Variants in LY96 observed in about 807,000 individuals in gnomAD.
LY96 encodes lymphocyte antigen 96, also known as myeloid differentiation protein-2.
Under a neutral mutation model 18.9 loss-of-function variants are expected in LY96, and 18 were observed. That is an observed-to-expected ratio of 0.95 (90% CI 0.66 to 1.41). The LOEUF is 1.41. Among genes scored for constraint, LY96 ranks in the 40% most tolerant of loss-of-function variants. The pLI is 0.00. For synonymous variants in LY96, 66 were observed against 62.6 expected (o/e 1.06, Z -0.26); for missense variants, 175 against 182.4 (o/e 0.96, Z 0.23).
the LY96 span, among the ~76,000 whole-genome samples, chr8:74,087,611 T>A: frequency 6.6e-6 from 1 of 152,192 alleles, no homozygotes; most frequent in African/African-American, 2.4e-5. Context: ...GTAAAGGGCC[T>A]CAAACATGTC....
the LY96 span, among the ~76,000 whole-genome samples, chr8:74,059,864 G>T: frequency 2.6e-5 from 4 of 152,256 alleles, no homozygotes; most frequent in East Asian, 7.7e-4. Flanking sequence ...TTGCTTGGGC[G>T]CAGTGGCTCA....
the LY96 span, chr8:74,056,261 C>A: frequency 8.1e-6 from 2 of 247,004 alleles, no homozygotes; most frequent in Non-Finnish European, 1.6e-5. Context: ...TTCAGGCTAC[C>A]TGTGGTTATT....
intron 3 of LY96, among the ~76,000 whole-genome samples, chr8:74,017,292 A>G (rs1405053034): frequency 6.6e-6 from 1 of 152,208 alleles, no homozygotes; most frequent in Non-Finnish European, 1.5e-5. Flanking sequence ...CAAGTGGAAG[A>G]AAGGGTATCA....
the LY96 span, among the ~76,000 whole-genome samples, chr8:74,064,636 C>T: frequency 1.3e-5 from 2 of 152,178 alleles, no homozygotes; most frequent in Non-Finnish European, 2.9e-5. Context: ...CTGAAGCCTT[C>T]ACCAGAAGCA....
the LY96 span, among the ~76,000 whole-genome samples, chr8:74,081,529 G>C: frequency 6.6e-6 from 1 of 151,522 alleles, no homozygotes; most frequent in Non-Finnish European, 1.5e-5. Flanking sequence ...AAAATGATGA[G>C]ACTACAGGTG....
chr8:74,075,594 C>T, the LY96 span, among the ~76,000 whole-genome samples: 1 of 152,046 alleles, frequency 6.6e-6, no homozygotes, highest in African/African-American at 2.4e-5. Context: ...TTTGGTGACA[C>T]CAGCAACTTA....
rs576331265 is a variant in LY96, at chr8:73,995,380, T to A, written c.112+3826T>A. 7.9e-5 allele frequency among the ~76,000 whole-genome samples: 12 copies of A among 152,354 alleles called. No individual in the cohort carries two copies. The East Asian group carries it at 1.2e-3, about 15-fold the overall frequency. On this transcript the variant is annotated intron_variant, in intron 1 of 4. Coordinates refer to ENST00000284818, the MANE Select transcript of LY96 (RefSeq NM_015364.5). Reference sequence around the variant, plus strand: ...ATGGCCTTTCCTCTGTGTGTGCACATCCCTGGCGTTTCTTTGTGTGTCCAA... The same window carrying A: ...ATGGCCTTTCCTCTGTGTGTGCACAACCCTGGCGTTTCTTTGTGTGTCCAA...
At chr8:74,000,006 C>A (rs60515500) in intron 1 of LY96, among the ~76,000 whole-genome samples, 73,829 of 151,916 alleles carry the variant, frequency 0.49, 18,105 homozygotes, top group African/African-American at 0.55. Flanking sequence ...CTGCCTTGTT[C>A]CTGATCTTAA....
chr8:74,052,739 A>G, the LY96 span: 1 of 152,360 alleles, frequency 6.6e-6, no homozygotes, highest in African/African-American at 2.4e-5. Context: ...GATGATGCTT[A>G]ATTCCAGCAC....
chr8:74,067,048 G>A, the LY96 span, among the ~76,000 whole-genome samples: 1 of 152,166 alleles, frequency 6.6e-6, no homozygotes, highest in Non-Finnish European at 1.5e-5. Flanking sequence ...CCGGCTAGCC[G>A]TCCTTGTGAC....
chr8:74,004,982 A>C (rs933915076), intron 2 of LY96, 97 bp downstream of exon 2: 4 of 1,295,628 alleles, frequency 3.1e-6, no homozygotes, highest in Non-Finnish European at 4.4e-6. Flanking sequence ...TTCGTTATCT[A>C]TTGCTACGTA....
At chr8:74,093,122 C>G in the LY96 span, among the ~76,000 whole-genome samples, 1 of 152,180 alleles carries the variant, frequency 6.6e-6, no homozygotes, top group Non-Finnish European at 1.5e-5. Flanking sequence ...GGTCTCAGGG[C>G]TTTGCTGTGT....
the LY96 span, among the ~76,000 whole-genome samples, chr8:74,077,420 A>G: frequency 2.3e-4 from 35 of 152,232 alleles, no homozygotes; most frequent in African/African-American, 8.2e-4. Flanking sequence ...AGGTGTGATG[A>G]TGGAATCATG....
chr8:74,008,298 C>T (rs1816457820), intron 2 of LY96, among the ~76,000 whole-genome samples: 1 of 152,168 alleles, frequency 6.6e-6, no homozygotes, highest in Admixed American at 6.5e-5. Flanking sequence ...AGGTCCTTTG[C>T]CCTGCATTGT....
chr8:74,026,952 T>TA (rs750294645), intron 4 of LY96, 111 bp downstream of exon 4: 6 of 614,146 alleles, frequency 9.8e-6, no homozygotes, highest in Non-Finnish European at 1.5e-5. Flanking sequence ...TTTTTTTTTT[T>TA]AAATGGGATC....
the LY96 span, among the ~76,000 whole-genome samples, chr8:74,087,746 T>C: frequency 2.0e-5 from 3 of 152,174 alleles, no homozygotes; most frequent in Admixed American, 6.5e-5. Context: ...GGCAAGAACT[T>C]CCTTTGTTCT....
the LY96 span, among the ~76,000 whole-genome samples, chr8:74,093,498 A>C: frequency 2.0e-5 from 3 of 152,246 alleles, no homozygotes; most frequent in African/African-American, 7.2e-5. Context: ...GGTAAATATG[A>C]ATCCTAAAAG....
At chr8:74,025,418 G>C (rs1816848729) in intron 3 of LY96, among the ~76,000 whole-genome samples, 1 of 152,076 alleles carries the variant, frequency 6.6e-6, no homozygotes. Flanking sequence ...ACTTTGGAAG[G>C]CCGAGGCAGG....
At chr8:74,074,802 C>A in the LY96 span, among the ~76,000 whole-genome samples, 3 of 152,084 alleles carry the variant, frequency 2.0e-5, no homozygotes, top group Non-Finnish European at 2.9e-5. Flanking sequence ...TCCCAAATTC[C>A]TCTTGTTATT....
Sources: allele counts gnomAD v4.1 joint callset (sites outside exome capture counted in the v4.1 genomes callset), GRCh38; gene constraint gnomAD v4.1.1; transcripts MANE v1.5; gene names NCBI Gene and HGNC (gene_info 2026-07-23, HGNC 2026-07-21).